Variants in TMIGD1 observed in about 807,000 individuals in gnomAD.
TMIGD1 encodes transmembrane and immunoglobulin domain-containing protein 1.
In TMIGD1, 29 loss-of-function variants were observed where a neutral mutation model predicts 27.5. The ratio of observed to expected loss-of-function variants is 1.05; its 90% CI spans 0.78 to 1.44. The LOEUF is 1.44. Ranked by LOEUF, TMIGD1 falls within the 40% of genes most tolerant of loss-of-function variation. The probability of loss-of-function intolerance (pLI) is 0.00; values close to 1 mark genes in which losing one functional copy is unlikely to be tolerated. For synonymous variants in TMIGD1, 109 were observed against 110.3 expected (o/e 0.99, Z 0.07); for missense variants, 334 against 310.6 (o/e 1.08, Z -0.57).
At chr17:30,328,759 C>T (rs144937768) in intron 3 of TMIGD1, among the ~76,000 whole-genome samples, 24 of 151,980 alleles carry the variant, frequency 1.6e-4, no homozygotes, top group African/African-American at 5.3e-4. Flanking sequence ...AGCTTGAGAC[C>T]AGCCTGGCCA....
chr17:30,329,113 G>A lies in TMIGD1; in HGVS notation c.361+138C>T, dbSNP rs369491924. On this transcript the variant is annotated intron_variant, in intron 3 of 6. Transcript: ENST00000328886. Reference sequence around the variant, plus strand: ...GATACTCAGTGCTCATGAGGGTGAGGGGAAATAGGTACTCTCATACTTTGT... The same window carrying A: ...GATACTCAGTGCTCATGAGGGTGAGAGGAAATAGGTACTCTCATACTTTGT... The A allele has an allele frequency of 8.6e-3, 8,138 of 946,350 alleles. 42 individuals are homozygous for A. Among genetic ancestry groups the A allele is most frequent in the Non-Finnish European group, 0.011 (7,257 of 643,394 alleles). The allele number at this position is 946,350 out of a possible 1,614,324, so 58.6% of individuals were successfully genotyped here. A position where few individuals can be genotyped will look rare whatever the true frequency, so the allele number is the denominator to read the frequency against.
intron 3 of TMIGD1, among the ~76,000 whole-genome samples, chr17:30,327,904 A>G (rs1376062900): frequency 6.6e-6 from 1 of 152,104 alleles, no homozygotes; most frequent in African/African-American, 2.4e-5. Context: ...GTGATCATCT[A>G]CATTGTATCA....
At position 30,329,408 on chromosome 17, in the gene TMIGD1, G is replaced by T; in HGVS notation, c.204C>A (p.Tyr68Ter). 1 of 1,614,142 alleles carries T rather than the reference G, an allele frequency of 6.2e-7. No individual in the cohort carries two copies. The highest frequency in any genetic ancestry group is 8.5e-7 in the Non-Finnish European group (1 of 1,180,036). ...NHTREEELLW[Y>*]REEGRVDLKS... ...TCAAATCCACTCTCCCCTCCTCTCGGTACCAGAGCAGTTCTTCCTCTCTGG... is the reference window on the plus strand; with the variant it reads ...TCAAATCCACTCTCCCCTCCTCTCGTTACCAGAGCAGTTCTTCCTCTCTGG... Residue 68 changes from tyrosine to a stop codon, truncating the protein, a stop_gained, in exon 3 of 7, where the codon TAC becomes TAA. Transcript: ENST00000328886. LOFTEE classifies it high-confidence loss of function.
intron 2 of TMIGD1, 94 bp from the exon 3 acceptor site, chr17:30,329,623 G>C (rs1909909621): frequency 1.0e-6 from 1 of 1,000,764 alleles, no homozygotes; most frequent in South Asian, 1.8e-5. Context: ...TGTTACATCA[G>C]TAGAACAAAA....
chr17:30,324,311 A>C (rs1909705331), intron 4 of TMIGD1, among the ~76,000 whole-genome samples: 1 of 152,196 alleles, frequency 6.6e-6, no homozygotes, highest in African/African-American at 2.4e-5. Context: ...TGGGTAGATG[A>C]AGCATGAATC....
intron 3 of TMIGD1, 33 bp from the exon 4 acceptor site, chr17:30,325,127 A>G: frequency 3.2e-6 from 5 of 1,584,182 alleles, no homozygotes; most frequent in Non-Finnish European, 3.4e-6. Flanking sequence ...TTTAATTAGC[A>G]GATAAGCAAT....
chr17:30,322,752 G>A (rs146631940), intron 4 of TMIGD1, among the ~76,000 whole-genome samples: 4,125 of 152,214 alleles, frequency 0.027, 177 homozygotes, highest in African/African-American at 0.094. Context: ...CACCCGCCTC[G>A]GCCTCCCAAA....
At chr17:30,328,977 AAAAAAGAAAGAAAG>A (rs1305150685) in intron 3 of TMIGD1, among the ~76,000 whole-genome samples, 1 of 151,072 alleles carries the variant, frequency 6.6e-6, no homozygotes, top group African/African-American at 2.4e-5. Context: ...TCAAAAAAAA[AAAAAAGAAAGAAAG>A]AAAAAAGAAA....
chr17:30,329,159 A>G (rs1421295190), intron 3 of TMIGD1, 92 bp downstream of exon 3: 1 of 1,495,274 alleles, frequency 6.7e-7, no homozygotes. Context: ...TAAATTGGGC[A>G]ATTTGGCAAT....
intron 3 of TMIGD1, among the ~76,000 whole-genome samples, 164 bp downstream of exon 3, chr17:30,329,087 C>T (rs1259318815): frequency 1.3e-5 from 2 of 151,710 alleles, no homozygotes; most frequent in Non-Finnish European, 2.9e-5. Flanking sequence ...CAGAGTTTGG[C>T]GATACTCAGT....
chr17:30,323,026 AGCTGGTTCTGATGGCAC>A (rs759432132), intron 4 of TMIGD1, among the ~76,000 whole-genome samples: 158 of 152,082 alleles, frequency 1.0e-3, no homozygotes, highest in Non-Finnish European at 2.0e-3. Context: ...TTTTTTGATT[AGCTGGTTCTGATGGCAC>A]GCACCTGTCC....
intron 4 of TMIGD1, 50 bp downstream of exon 4, chr17:30,324,766 T>G (rs1270124815): frequency 1.3e-6 from 2 of 1,568,006 alleles, no homozygotes; most frequent in African/African-American, 1.4e-5. Flanking sequence ...TCACTGAGCA[T>G]CTGGTGTGAG....
At chr17:30,330,617 G>A (rs142195822) in intron 2 of TMIGD1, among the ~76,000 whole-genome samples, 58 of 152,240 alleles carry the variant, frequency 3.8e-4, no homozygotes, top group Middle Eastern at 6.8e-3. Flanking sequence ...TGGCAGTGAA[G>A]AAAAATAAAA....
Position 30,329,516 on chromosome 17 carries a change from A to T in TMIGD1, c.96T>A (p.Thr32=). 1 of 1,609,946 alleles carries T rather than the reference A, an allele frequency of 6.2e-7. No individual in the cohort carries two copies. Among genetic ancestry groups the T allele is most frequent in the Non-Finnish European group, 8.5e-7 (1 of 1,176,576 alleles). Residue 32 remains threonine, a synonymous_variant, in exon 3 of 7, where the codon ACT becomes ACA. Transcript: ENST00000328886. ...LPREMTSSVL[T]VNGKTENYIL... ...TATAGTTCTCAGTTTTACCATTCACAGTTAAAACAGAACCTGGGAGTATAG... is the reference window on the plus strand; with the variant it reads ...TATAGTTCTCAGTTTTACCATTCACTGTTAAAACAGAACCTGGGAGTATAG...
At chr17:30,317,911 T>C (rs1334946648) in intron 5 of TMIGD1, among the ~76,000 whole-genome samples, 1 of 151,228 alleles carries the variant, frequency 6.6e-6, no homozygotes, top group Non-Finnish European at 1.5e-5. Flanking sequence ...CTACAAAAAA[T>C]ACAGAAATTA....
chr17:30,328,088 G>A (rs923570061), intron 3 of TMIGD1, among the ~76,000 whole-genome samples: 2 of 149,740 alleles, frequency 1.3e-5, no homozygotes, highest in African/African-American at 2.5e-5. Flanking sequence ...AGGCTGGAGT[G>A]CAGTGGTGGC....
chr17:30,324,916 C>A lies in TMIGD1; in HGVS notation c.540G>T (p.Leu180=), dbSNP rs1408529540. The change falls in exon 4 of 7, where the codon CTG becomes CTT. Residue 180 remains leucine (L), a synonymous_variant. Transcript: ENST00000328886. ...QIQQTSESFQ[L]SITKVEKPDN... ...CAGGCTTCTCGACTTTGGTGATTGA[C>A]AGCTGAAAAGACTCACTTGTCTGTT... The A allele has an allele frequency of 6.2e-7, 1 of 1,614,060 alleles. No homozygotes were observed. The highest frequency in any genetic ancestry group is 1.7e-5 in the Admixed American group (1 of 60,006).
chr17:30,323,484 G>A (rs905140825), intron 4 of TMIGD1, among the ~76,000 whole-genome samples: 1 of 152,206 alleles, frequency 6.6e-6, no homozygotes, highest in Non-Finnish European at 1.5e-5. Context: ...GCCACCAGCC[G>A]TGGGAAGTAG....
intron 4 of TMIGD1, among the ~76,000 whole-genome samples, chr17:30,319,261 A>AAAAAAAAAAATATATATATATATAT: frequency 1.2e-4 from 8 of 69,042 alleles, no homozygotes; most frequent in African/African-American, 1.8e-4. Context: ...AAAAAAAAAA[A>AAAAAAAAAAATATATATATATATAT]ATATATATAT....
Sources: gnomAD v4.1 joint callset for allele counts (sites outside exome capture counted in the v4.1 genomes callset) on GRCh38, gnomAD v4.1.1 for gene constraint, MANE v1.5 for transcripts, NCBI Gene and HGNC (gene_info 2026-07-23, HGNC 2026-07-21) for gene names.